The following RIC3 variants were observed in gnomAD, a reference collection of about 807,000 sequenced individuals.
RIC3 encodes the protein RIC3 acetylcholine receptor chaperone.
Under a neutral mutation model 27.3 loss-of-function variants are expected in RIC3, and 28 were observed. That is an observed-to-expected ratio of 1.02 (90% CI 0.76 to 1.41). The LOEUF (loss-of-function observed/expected upper bound fraction) is 1.41, where lower values mean the gene tolerates loss of function less well. Among genes scored for constraint, RIC3 ranks in the 40% most tolerant of loss-of-function variants. RIC3 has a pLI of 0.00. For missense variants in RIC3, 501 were observed against 444.7 expected, an observed-to-expected ratio of 1.13 and a Z score of -1.14; for synonymous variants, 184 against 160.4, an observed-to-expected ratio of 1.15 and a Z score of -1.11.
At chr11:8,104,959 A>G (rs1169791150), downstream of RIC3, 1 of 149,512 alleles carries the variant, frequency 6.7e-6, no homozygotes, top group African/African-American at 2.5e-5. Flanking sequence ...CATTCTGAAA[A>G]TAGCAGGACA....
intron 1 of RIC3, among the ~76,000 whole-genome samples, chr11:8,163,042 C>T (rs1217726183): frequency 2.1e-5 from 3 of 142,922 alleles, no homozygotes; most frequent in South Asian, 2.4e-4. Context: ...CACACACACA[C>T]ACACACACAT....
intron 1 of RIC3, among the ~76,000 whole-genome samples, chr11:8,166,808 A>G (rs949974578): frequency 3.3e-5 from 5 of 151,948 alleles, no homozygotes; most frequent in African/African-American, 1.2e-4. Context: ...GTTGAGCCCT[A>G]GAAGTAGAGG....
rs1204188010 is a variant in RIC3 at position 8,143,867 on chromosome 11, T to C, written c.125-3674A>G. Among the ~76,000 whole-genome samples, 5 of 152,030 alleles carry C rather than the reference T, an allele frequency of 3.3e-5. No individual in the cohort carries two copies. The East Asian group carries it at 7.7e-4, about 23-fold the overall frequency. On this transcript the variant is annotated intron_variant, in intron 1 of 5. Transcript: ENST00000309737. ...TGGAACAGAACAGAGCCCTCAGAAATAACGCCGCATATCTACAACGATCAG... is the reference window on the plus strand; with the variant it reads ...TGGAACAGAACAGAGCCCTCAGAAACAACGCCGCATATCTACAACGATCAG...
intron 1 of RIC3, among the ~76,000 whole-genome samples, chr11:8,143,970 A>C (rs1217158725): frequency 6.6e-6 from 1 of 152,236 alleles, no homozygotes; most frequent in Non-Finnish European, 1.5e-5. Flanking sequence ...ATAACTGGCT[A>C]GCCATATGTA....
chr11:8,097,504 C>G, the RIC3 span: 1 of 1,582,366 alleles, frequency 6.3e-7, no homozygotes, highest in Non-Finnish European at 8.7e-7. Context: ...GACTGGAAGT[C>G]TCATATCTAC....
chr11:8,096,784 C>A, the RIC3 span: 1 of 1,614,180 alleles, frequency 6.2e-7, no homozygotes, highest in South Asian at 1.1e-5. Context: ...CCCAGCTCTG[C>A]TACTAGCAGG....
the RIC3 span, chr11:8,100,578 A>G: frequency 6.2e-7 from 1 of 1,614,092 alleles, no homozygotes; most frequent in Non-Finnish European, 8.5e-7. Flanking sequence ...GGTTCATGAG[A>G]GAGTCTCTAT....
At chr11:8,124,577 A>C (rs1946803738) in intron 5 of RIC3, among the ~76,000 whole-genome samples, 1 of 152,184 alleles carries the variant, frequency 6.6e-6, no homozygotes. Context: ...TAGCCAAAAT[A>C]ATCTTGGGAA....
At position 8,126,048 on chromosome 11, in the gene RIC3, C is replaced by A. The variant is rs1430109508; in HGVS notation, c.670+611G>T. On this transcript the variant is annotated intron_variant, in intron 5 of 5. Coordinates refer to ENST00000309737, the MANE Select transcript of RIC3 (RefSeq NM_001206671.4). ...GTGAGACTGTCTTGAAAAACAAAAA[C>A]AAAGTTAAATATACAATTACCTTAA... Among the ~76,000 whole-genome samples, 3 of 152,032 alleles carry A rather than the reference C, an allele frequency of 2.0e-5. No homozygotes were observed. In the East Asian group the frequency reaches 5.8e-4, roughly 29 times the overall value.
intron 1 of RIC3, among the ~76,000 whole-genome samples, chr11:8,149,778 C>T (rs1452627649): frequency 6.6e-6 from 1 of 152,198 alleles, no homozygotes. Context: ...TCATTATACC[C>T]CTTCCCTCGC....
chr11:8,166,642 G>A (rs1951720137), intron 1 of RIC3, among the ~76,000 whole-genome samples: 1 of 152,084 alleles, frequency 6.6e-6, no homozygotes, highest in African/African-American at 2.4e-5. Flanking sequence ...GGCTGAGGCA[G>A]AAGGATCACT....
the RIC3 span, among the ~76,000 whole-genome samples, chr11:8,099,718 TAAG>T: frequency 6.6e-6 from 1 of 152,224 alleles, no homozygotes; most frequent in East Asian, 1.9e-4. Context: ...GGAGGGGAGA[TAAG>T]AAATGTCAAG....
the RIC3 span, among the ~76,000 whole-genome samples, chr11:8,099,504 A>G: frequency 6.6e-6 from 1 of 152,212 alleles, no homozygotes; most frequent in African/African-American, 2.4e-5. Flanking sequence ...CCTGCTGACC[A>G]GTTTTGGGGA....
chr11:8,096,026 G>A, the RIC3 span, among the ~76,000 whole-genome samples: 1 of 152,222 alleles, frequency 6.6e-6, no homozygotes, highest in African/African-American at 2.4e-5. Flanking sequence ...CCCTGCCCTA[G>A]GGAGCCCCTG....
At position 8,122,023 on chromosome 11, in the gene RIC3, A is replaced by G. The variant is rs1204095583; in HGVS notation, c.670+4636T>C. ...GTGGGAGGATCGCCTGAGTCCCAGC[A>G]TGGGCAACATGGTTAAGACTCTATC... On this transcript the variant is annotated intron_variant, in intron 5 of 5. Coordinates refer to ENST00000309737, the MANE Select transcript of RIC3 (RefSeq NM_001206671.4). Among the ~76,000 whole-genome samples the G allele has an allele frequency of 1.2e-4, 18 of 152,266 alleles. No homozygotes were observed. The South Asian group carries it at 3.7e-3, about 32-fold the overall frequency.
At chr11:8,161,269 G>T (rs957837878) in intron 1 of RIC3, among the ~76,000 whole-genome samples, 1 of 152,188 alleles carries the variant, frequency 6.6e-6, no homozygotes, top group South Asian at 2.1e-4. Flanking sequence ...TTTCTTGCAC[G>T]ACTCAGCTTT....
At position 8,168,725 on chromosome 11, in the gene RIC3, C is replaced by T. The variant is rs559917662; in HGVS notation, c.124+141G>A. ...GGAACCGTGGGCATTGGCCCTTCAA[C>T]GCCGTCTCGCCCGCCCTCTCCAGTC... On this transcript the variant is annotated intron_variant, in intron 1 of 5. Transcript: ENST00000309737. The T allele has an allele frequency of 1.0e-5, 13 of 1,269,720 alleles. No homozygotes were observed. In the South Asian group the frequency reaches 1.6e-4, roughly 16 times the overall value. The allele number at this position is 1,269,720 out of a possible 1,614,324, so 78.7% of individuals were successfully genotyped here.
At chr11:8,158,524 T>C (rs1226914192) in intron 1 of RIC3, among the ~76,000 whole-genome samples, 1 of 151,762 alleles carries the variant, frequency 6.6e-6, no homozygotes, top group Non-Finnish European at 1.5e-5. Context: ...CAGCTGACAA[T>C]GGAACAACTG....
intron 1 of RIC3, among the ~76,000 whole-genome samples, chr11:8,142,289 TAAAG>T (rs1949168866): frequency 7.4e-6 from 1 of 135,478 alleles, no homozygotes; most frequent in Middle Eastern, 3.5e-3. Context: ...GCAACACTAA[TAAAG>T]AAAAAAAGAG....
Sources: gnomAD v4.1 joint callset for allele counts (sites outside exome capture counted in the v4.1 genomes callset) on GRCh38, gnomAD v4.1.1 for gene constraint, MANE v1.5 for transcripts, NCBI Gene and HGNC (gene_info 2026-07-23, HGNC 2026-07-21) for gene names.